OSBPL1A: variants seen among roughly 807,000 people sequenced by gnomAD.
OSBPL1A encodes the protein oxysterol binding protein like 1A.
A neutral mutation model predicts 137.1 loss-of-function variants in OSBPL1A; 80 were observed. That is an observed-to-expected ratio of 0.58 (90% CI 0.49 to 0.70). The LOEUF is 0.70. Among genes scored for constraint, OSBPL1A ranks in the 30% least tolerant of loss-of-function variants. The pLI is 0.00. For synonymous variants in OSBPL1A, 365 were observed against 389.7 expected, an observed-to-expected ratio of 0.94 and a Z score of 0.75; for missense variants, 970 against 1,129.4, an observed-to-expected ratio of 0.86 and a Z score of 2.02.
chr18:24,198,227 C>T (rs904278661), intron 17 of OSBPL1A, among the ~76,000 whole-genome samples: 14 of 152,132 alleles, frequency 9.2e-5, no homozygotes, highest in African/African-American at 2.2e-4. Flanking sequence ...ATGTATAGAC[C>T]GTGTGCTACC....
In OSBPL1A at chr18:24,198,800, G is replaced by A. The variant is rs118028761; in HGVS notation, c.1602-2600C>T. Among the ~76,000 whole-genome samples, 76 of 152,002 alleles carry A rather than the reference G, an allele frequency of 5.0e-4. No individual in the cohort carries two copies. The East Asian group carries it at 0.012, about 24-fold the overall frequency. On this transcript the variant is annotated intron_variant, in intron 17 of 27. Coordinates refer to ENST00000319481, the MANE Select transcript of OSBPL1A (RefSeq NM_080597.4). ...ATGGGGCAGCAGGCAGAGCGTTCCCGAGGGCAACCTGAGCTGGGACTCAGG... is the reference window on the plus strand; with the variant it reads ...ATGGGGCAGCAGGCAGAGCGTTCCCAAGGGCAACCTGAGCTGGGACTCAGG...
intron 14 of OSBPL1A, among the ~76,000 whole-genome samples, chr18:24,285,070 AACG>A (rs1324890493): frequency 3.3e-5 from 5 of 152,142 alleles, no homozygotes; most frequent in African/African-American, 7.2e-5. Context: ...TAAAAACAAC[AACG>A]ACGACAAAAT....
intron 15 of OSBPL1A, among the ~76,000 whole-genome samples, chr18:24,277,096 A>G (rs2089860444): frequency 6.6e-6 from 1 of 152,180 alleles, no homozygotes; most frequent in African/African-American, 2.4e-5. Context: ...ATTTTTAAAA[A>G]CCTATAAAGA....
rs142939592 is a variant in OSBPL1A, at chr18:24,246,573, C to T, written c.1282-7191G>A. Among the ~76,000 whole-genome samples, 344 of 151,926 alleles carry T rather than the reference C, an allele frequency of 2.3e-3. 6 individuals are homozygous for T. The highest frequency in any genetic ancestry group is 7.7e-3 in the African/African-American group (317 of 41,428). ...TAGCAGGCAGAGGTGGGCGGATCACCGGAGGCCAGGAGTTCGAGACCAGTC... is the reference window on the plus strand; with the variant it reads ...TAGCAGGCAGAGGTGGGCGGATCACTGGAGGCCAGGAGTTCGAGACCAGTC... On this transcript the variant is annotated intron_variant, in intron 15 of 27. Transcript: ENST00000319481.
chr18:24,335,607 G>A (rs535677421), intron 5 of OSBPL1A, among the ~76,000 whole-genome samples: 17 of 152,232 alleles, frequency 1.1e-4, no homozygotes, highest in South Asian at 6.2e-4. Context: ...CTAAATATAC[G>A]TCTACAATGT....
intron 14 of OSBPL1A, among the ~76,000 whole-genome samples, chr18:24,287,423 C>T (rs761663633): frequency 6.6e-6 from 1 of 152,154 alleles, no homozygotes; most frequent in Non-Finnish European, 1.5e-5. Flanking sequence ...GAGAGTTTAT[C>T]CATTCTGAGT....
Position 24,256,964 on chromosome 18 carries a change from C to CAAAAAAAAAAAAAAAAAAAAAAAAAA in OSBPL1A, c.1282-17608_1282-17583dup, listed in dbSNP as rs201880387. Among the ~76,000 whole-genome samples the CAAAAAAAAAAAAAAAAAAAAAAAAAA allele has an allele frequency of 7.8e-4, 23 of 29,518 alleles. 1 individual carries two copies. The highest frequency in any genetic ancestry group is 1.4e-3 in the Non-Finnish European group (20 of 14,700). 19.4% of individuals were successfully genotyped at this position (29,518 alleles called of 152,430 possible). On this transcript the variant is annotated intron_variant, in intron 15 of 27. Transcript: ENST00000319481. ...GCTGATGAAAGAACTGAAGAGGATGCAAAAAAAAAAAAAAAAAAAAAAAAA... is the reference window on the plus strand; with the variant it reads ...GCTGATGAAAGAACTGAAGAGGATGCAAAAAAAAAAAAAAAAAAAAAAAAAAAAAAAAAAAAAAAAAAAAAAAAAAA...
Position 24,271,850 on chromosome 18 carries a change from G to A in OSBPL1A, c.1281+8992C>T. Reference sequence around the variant, plus strand: ...GCGCCAGCCTTCCCCAGCGAGGTCGGGCAGAGGCGTTGCCCGCCAGCGGCC... The same window carrying A: ...GCGCCAGCCTTCCCCAGCGAGGTCGAGCAGAGGCGTTGCCCGCCAGCGGCC... On this transcript the variant is annotated intron_variant, in intron 15 of 27. Transcript: ENST00000319481. The surrounding 1 kb of genome is among the most constrained non-coding windows in gnomAD (Gnocchi z 4.0). The A allele has an allele frequency of 1.0e-6, 1 of 985,242 alleles. No homozygotes were observed. The highest frequency in any genetic ancestry group is 1.2e-6 in the Non-Finnish European group (1 of 829,952). 61.0% of individuals were successfully genotyped at this position (985,242 alleles called of 1,614,324 possible).
intron 5 of OSBPL1A, among the ~76,000 whole-genome samples, chr18:24,338,990 G>A (rs2091229684): frequency 6.6e-6 from 1 of 152,090 alleles, no homozygotes; most frequent in Non-Finnish European, 1.5e-5. Flanking sequence ...GGGATTACAG[G>A]TGTGAGCCAC....
chr18:24,205,984 G>A (rs2087362446), intron 17 of OSBPL1A, among the ~76,000 whole-genome samples: 1 of 151,692 alleles, frequency 6.6e-6, no homozygotes, highest in South Asian at 2.1e-4. Context: ...TCCGCCTCTG[G>A]GGTTCAAGTG....
chr18:24,228,634 G>A (rs1483322172), intron 16 of OSBPL1A, among the ~76,000 whole-genome samples: 1 of 152,158 alleles, frequency 6.6e-6, no homozygotes, highest in Non-Finnish European at 1.5e-5. Context: ...CTGAATGGGG[G>A]CAGCGGGCTA....
At chr18:24,336,185 C>T (rs2091170759) in intron 5 of OSBPL1A, among the ~76,000 whole-genome samples, 1 of 152,192 alleles carries the variant, frequency 6.6e-6, no homozygotes. Flanking sequence ...GCATTTATGA[C>T]AGCATCTGGC....
At chr18:24,303,855 A>G (rs2090449573) in intron 13 of OSBPL1A, 137 bp from the exon 14 acceptor site, 5 of 620,730 alleles carry the variant, frequency 8.1e-6, no homozygotes, top group Non-Finnish European at 1.4e-5. Flanking sequence ...AAGAAAAGAA[A>G]AAGGTGAGAG....
intron 14 of OSBPL1A, among the ~76,000 whole-genome samples, chr18:24,295,205 T>C (rs992987073): frequency 1.3e-5 from 2 of 152,208 alleles, no homozygotes; most frequent in Non-Finnish European, 2.9e-5. Context: ...TGGTCAACTG[T>C]ATATCTTCTT....
At chr18:24,169,197 A>G (rs2086213005) in intron 24 of OSBPL1A, among the ~76,000 whole-genome samples, 1 of 152,250 alleles carries the variant, frequency 6.6e-6, no homozygotes, top group Non-Finnish European at 1.5e-5. Context: ...AGCCACAGGA[A>G]AGCAGAATGC....
chr18:24,195,839 T>C (rs2145944447), intron 18 of OSBPL1A: 3 of 359,002 alleles, frequency 8.4e-6, no homozygotes, highest in East Asian at 1.4e-4. Flanking sequence ...TGAGAGTTTC[T>C]AGGTAAGTCT....
intron 14 of OSBPL1A, among the ~76,000 whole-genome samples, chr18:24,300,969 T>C (rs1282084589): frequency 6.6e-6 from 1 of 152,152 alleles, no homozygotes; most frequent in Non-Finnish European, 1.5e-5. Flanking sequence ...CCCGGGACTA[T>C]AGGTGTGTAC....
At position 24,334,250 on chromosome 18, in the gene OSBPL1A, C is replaced by T. The variant is rs1308876191; in HGVS notation, c.475G>A (p.Ala159Thr). ...AREGKTTELT[A>T]LLNRPNPPDV... is the part of the protein sequence containing the mutation. ...GGGTTTTTTGTTTGTTTTACCAGAGCTGTGAGTTCTGTTGTTTTGCCTTCT... is the reference window on the plus strand; with the variant it reads ...GGGTTTTTTGTTTGTTTTACCAGAGTTGTGAGTTCTGTTGTTTTGCCTTCT... Residue 159 changes from alanine (A) to threonine (T), a missense_variant, in exon 6 of 28, where the codon GCT (alanine) becomes ACT (threonine). This residue lies in a region of OSBPL1A where 647 missense variants were observed against 672.6 expected (regional missense o/e 0.96). Transcript: ENST00000319481. 6.2e-7 allele frequency: 1 copy of T among 1,608,034 alleles called. No homozygotes were observed. Among genetic ancestry groups the T allele is most frequent in the Middle Eastern group, 1.7e-4 (1 of 5,890 alleles).
intron 4 of OSBPL1A, among the ~76,000 whole-genome samples, chr18:24,355,904 G>C: frequency 6.7e-6 from 1 of 149,906 alleles, no homozygotes; most frequent in East Asian, 2.0e-4. Context: ...AGAATTGCTT[G>C]AACGCGGGAC....
Sources: allele counts gnomAD v4.1 joint callset (sites outside exome capture counted in the v4.1 genomes callset), GRCh38; gene constraint gnomAD v4.1.1; regional missense constraint gnomAD v4.1.1; non-coding constraint Gnocchi (gnomAD v3.1); transcripts MANE v1.5; gene names NCBI Gene and HGNC (gene_info 2026-07-23, HGNC 2026-07-21).